The following SDE2 variants were observed in gnomAD, a reference collection of about 807,000 sequenced individuals.
SDE2 encodes the protein spliceosome associated SDE2, also known as splicing regulator SDE2.
In SDE2, 31 loss-of-function variants were observed where a neutral mutation model predicts 46.9. The ratio of observed to expected loss-of-function variants is 0.66; its 90% CI spans 0.50 to 0.89. SDE2 has a LOEUF of 0.89. Among genes scored for constraint, SDE2 ranks in the 40% least tolerant of loss-of-function variants. SDE2 has a pLI of 0.00. For synonymous variants in SDE2, 205 were observed against 204.3 expected, an observed-to-expected ratio of 1.00 and a Z score of -0.03; for missense variants, 542 against 564.4, an observed-to-expected ratio of 0.96 and a Z score of 0.40.
chr1:225,988,169 AG>A lies in SDE2; in HGVS notation c.860del (p.Thr287MetfsTer8). The A allele has an allele frequency of 6.2e-7, 1 of 1,614,156 alleles. No individual in the cohort carries two copies. Among genetic ancestry groups the A allele is most frequent in the South Asian group, 1.1e-5 (1 of 91,090 alleles). The part of the protein sequence containing the change: ...GSPEQLQIPV[T>X]DSGRHILEDS... ...CTTCTAAAATATGCCTCCCAGAGTC[AG>A]TCACCGGGATCTGCAGTTGTTCTGG... On this transcript the variant is annotated frameshift_variant, in exon 6 of 7. Coordinates refer to ENST00000272091, the MANE Select transcript of SDE2 (RefSeq NM_152608.4). LOFTEE classifies it high-confidence loss of function.
chr1:225,984,562 G>A lies in SDE2; in HGVS notation c.*740C>T, dbSNP rs1656227449. ...ACGGTGGCTCACGCCTGTAATCCCA[G>A]CACTCTGGGAGGCTGAGGCGGGTGG... is the stretch of plus-strand genomic sequence containing the variant. On this transcript the variant is annotated 3_prime_UTR_variant, in exon 7 of 7. Transcript: ENST00000272091. The A allele has an allele frequency of 2.0e-5, 3 of 152,254 alleles. No individual in the cohort carries two copies. The highest frequency in any genetic ancestry group is 2.0e-4 in the Admixed American group (3 of 15,278). 9.4% of individuals were successfully genotyped at this position (152,254 alleles called of 1,614,324 possible).
Position 225,992,398 on chromosome 1 carries a change from C to A in SDE2, c.520G>T (p.Gly174Cys). The change falls in exon 4 of 7, where the codon GGT becomes TGT. Residue 174 changes from glycine (G) to cysteine (C), a missense_variant and splice_region_variant. By Grantham distance (159) the Gly-to-Cys change is radical. Around this residue, in one of 3 missense-constraint regions of SDE2, gnomAD observed 401 missense variants for 437.8 expected, o/e 0.92. Coordinates refer to ENST00000272091, the MANE Select transcript of SDE2 (RefSeq NM_152608.4). Reference protein sequence around the residue: ...AERLEDSVLKGMQAASSKMVS... With the variant: ...AERLEDSVLKCMQAASSKMVS... ...CACACTAAGGAATCCTCATTCTCAC[C>A]TTTGAGGACGGAATCCTCCAGACGC... 6.2e-7 allele frequency: 1 copy of A among 1,612,478 alleles called. No individual in the cohort carries two copies. Among genetic ancestry groups the A allele is most frequent in the Non-Finnish European group, 8.5e-7 (1 of 1,179,286 alleles).
intron 1 of SDE2, among the ~76,000 whole-genome samples, chr1:225,997,946 G>A (rs1656568264): frequency 6.6e-6 from 1 of 151,592 alleles, no homozygotes; most frequent in Non-Finnish European, 1.5e-5. Flanking sequence ...GGCCAACGTG[G>A]TGAAACCCCG....
intron 6 of SDE2, among the ~76,000 whole-genome samples, chr1:225,986,371 T>A (rs568518281): frequency 6.6e-5 from 10 of 152,032 alleles, no homozygotes; most frequent in African/African-American, 2.2e-4. Context: ...ATACTGCTAA[T>A]GATACCTTGA....
Position 225,992,892 on chromosome 1 carries a change from C to T in SDE2, c.349G>A (p.Ala117Thr), listed in dbSNP as rs1292223821. Residue 117 changes from alanine to threonine, a missense_variant and splice_region_variant, in exon 3 of 7, where the codon GCA (alanine) becomes ACA (threonine). Ala to Thr is a moderately conservative substitution (Grantham distance 58). Coordinates refer to ENST00000272091, the MANE Select transcript of SDE2 (RefSeq NM_152608.4). ...RRLRDVNHEKAMAEWVKQQAE... is the reference protein window; with the variant it reads ...RRLRDVNHEKTMAEWVKQQAE... ...CACAAAAAAAGGTGGGCATCTTACG[C>T]TTTTTCATGATTGACATCGCGTAGT... The T allele has an allele frequency of 6.3e-7, 1 of 1,593,360 alleles. No homozygotes were observed. The highest frequency in any genetic ancestry group is 1.7e-5 in the Admixed American group (1 of 59,822).
chr1:225,982,854 G>C lies in SDE2; in HGVS notation c.*2448C>G, dbSNP rs565977829. 70 of 152,140 alleles carry C rather than the reference G, an allele frequency of 4.6e-4. No homozygotes were observed. Among genetic ancestry groups the C allele is most frequent in the African/African-American group, 1.6e-3 (68 of 41,518 alleles). 9.4% of individuals were successfully genotyped at this position (152,140 alleles called of 1,614,324 possible). A position where few individuals can be genotyped will look rare whatever the true frequency, so the allele number is the denominator to read the frequency against. ...ATGACAACTACAGCATAAAAGACAG[G>C]TATGATAAATGGATGTACATACTTA... On this transcript the variant is annotated 3_prime_UTR_variant, in exon 7 of 7. Coordinates refer to ENST00000272091, the MANE Select transcript of SDE2 (RefSeq NM_152608.4).
intron 1 of SDE2, among the ~76,000 whole-genome samples, chr1:225,996,819 T>C (rs1656537759): frequency 6.6e-6 from 1 of 152,196 alleles, no homozygotes; most frequent in Non-Finnish European, 1.5e-5. Context: ...CAGGACTGTA[T>C]ATAAAAACGT....
At chr1:225,995,582 T>C (rs998138018) in intron 1 of SDE2, among the ~76,000 whole-genome samples, 199 bp from the exon 2 acceptor site, 1 of 152,226 alleles carries the variant, frequency 6.6e-6, no homozygotes, top group Admixed American at 6.5e-5. Context: ...TTTCCCAATA[T>C]TACCTAATCA....
rs142089163 is a variant in SDE2, at chr1:225,992,245, T to C, written c.520+153A>G. ...TTTTAAAAAAATACTGTGTTCATTT[T>C]TGAGGATAAAAGTGCCAAGGTTTTC... is the stretch of plus-strand genomic sequence containing the variant. On this transcript the variant is annotated intron_variant, in intron 4 of 6. Coordinates refer to ENST00000272091, the MANE Select transcript of SDE2 (RefSeq NM_152608.4). Among the ~76,000 whole-genome samples, 293 of 152,348 alleles carry C rather than the reference T, an allele frequency of 1.9e-3. 3 individuals are homozygous for C. Among genetic ancestry groups the C allele is most frequent in the African/African-American group, 6.7e-3 (279 of 41,578 alleles).
chr1:225,991,250 A>G lies in SDE2; in HGVS notation c.634T>C (p.Cys212Arg), dbSNP rs377029909. Residue 212 changes from cysteine to arginine, a missense_variant, in exon 5 of 7, where the codon TGC (cysteine) becomes CGC (arginine). Around this residue, in one of 3 missense-constraint regions of SDE2, gnomAD observed 401 missense variants for 437.8 expected, o/e 0.92. Coordinates refer to ENST00000272091, the MANE Select transcript of SDE2 (RefSeq NM_152608.4). ...CGAAAGTGAAACACTTACCAGAAGC[A>G]TCTCCTCTTTCCCGCACTGGCTCCT... ...DRGASAGKRR[C>R]FWLGMEGLET... The G allele has an allele frequency of 3.1e-6, 5 of 1,613,572 alleles. No individual in the cohort carries two copies. The highest frequency in any genetic ancestry group is 4.2e-6 in the Non-Finnish European group (5 of 1,179,550).
intron 5 of SDE2, among the ~76,000 whole-genome samples, chr1:225,990,665 CAT>C (rs1401834448): frequency 1.3e-5 from 2 of 152,080 alleles, no homozygotes; most frequent in South Asian, 2.1e-4. Context: ...ATGCTGAACT[CAT>C]AGTGTTATAT....
At chr1:225,987,333 G>A (rs911979083) in intron 6 of SDE2, among the ~76,000 whole-genome samples, 1 of 152,138 alleles carries the variant, frequency 6.6e-6, no homozygotes, top group Non-Finnish European at 1.5e-5. Flanking sequence ...GATTACAGGC[G>A]TGAGCCACCG....
chr1:225,992,421 C>A lies in SDE2; in HGVS notation c.497G>T (p.Arg166Leu). The A allele has an allele frequency of 6.2e-7, 1 of 1,613,556 alleles. No individual in the cohort carries two copies. Among genetic ancestry groups the A allele is most frequent in the East Asian group, 2.2e-5 (1 of 44,870 alleles). Residue 166 changes from arginine to leucine, a missense_variant, in exon 4 of 7, where the codon CGT (arginine) becomes CTT (leucine). Physicochemically the swap from Arg to Leu is moderately radical, Grantham distance 102 (BLOSUM62 -2). Coordinates refer to ENST00000272091, the MANE Select transcript of SDE2 (RefSeq NM_152608.4). ...ACCTTTGAGGACGGAATCCTCCAGACGCTCAGCCATCTCATGGCACTGCTG... is the reference window on the plus strand; with the variant it reads ...ACCTTTGAGGACGGAATCCTCCAGAAGCTCAGCCATCTCATGGCACTGCTG... ...YQQQCHEMAE[R>L]LEDSVLKGMQ...
At chr1:225,989,134 T>C (rs560287570) in intron 5 of SDE2, among the ~76,000 whole-genome samples, 5 of 150,256 alleles carry the variant, frequency 3.3e-5, no homozygotes, top group Admixed American at 6.7e-5. Context: ...CCGTCTCTAC[T>C]AAAAATACAA....
chr1:225,995,225 G>T, intron 2 of SDE2, 41 bp downstream of exon 2: 1 of 962,010 alleles, frequency 1.0e-6, no homozygotes, highest in Non-Finnish European at 1.7e-6. Flanking sequence ...AATAAAGACT[G>T]CAAATGTGTT....
intron 1 of SDE2, among the ~76,000 whole-genome samples, chr1:225,998,805 G>A (rs148119719): frequency 6.4e-4 from 98 of 152,320 alleles, no homozygotes; most frequent in Admixed American, 1.3e-3. Context: ...ACAAGGCTGT[G>A]TGATGAGTGG....
intron 1 of SDE2, 90 bp downstream of exon 1, chr1:225,999,103 C>G: frequency 9.6e-7 from 1 of 1,043,432 alleles, no homozygotes; most frequent in Non-Finnish European, 1.4e-6. Flanking sequence ...AGAGAATAAA[C>G]GTACCCCCGC....
chr1:225,993,107 C>G, intron 2 of SDE2, 105 bp from the exon 3 acceptor site: 1 of 223,568 alleles, frequency 4.5e-6, no homozygotes, highest in South Asian at 6.2e-5. Context: ...ATGATCTCTA[C>G]TTTCTTTCTT....
At chr1:225,994,914 T>C (rs1656488380) in intron 2 of SDE2, among the ~76,000 whole-genome samples, 1 of 152,174 alleles carries the variant, frequency 6.6e-6, no homozygotes, top group Non-Finnish European at 1.5e-5. Context: ...CATGGTGGCA[T>C]GTGCCTATAG....
Sources: gnomAD v4.1 joint callset for allele counts (sites outside exome capture counted in the v4.1 genomes callset) on GRCh38, gnomAD v4.1.1 for gene constraint, gnomAD v4.1.1 regional missense constraint, MANE v1.5 for transcripts, NCBI Gene and HGNC (gene_info 2026-07-23, HGNC 2026-07-21) for gene names.